The following SGSM1 variants were observed in gnomAD, a reference collection of about 807,000 sequenced individuals.
SGSM1 encodes the protein small G protein signaling modulator 1, also known as RUN and TBC1 domain containing 2.
In SGSM1, 73 loss-of-function variants were observed where a neutral mutation model predicts 133.8. The ratio of observed to expected loss-of-function variants is 0.55; its 90% CI spans 0.45 to 0.66. The LOEUF is 0.66. Among genes scored for constraint, SGSM1 ranks in the 30% least tolerant of loss-of-function variants. SGSM1 has a pLI of 0.00. For missense variants in SGSM1, 1,213 were observed against 1,448.1 expected, an observed-to-expected ratio of 0.84 and a Z score of 2.64; for synonymous variants, 563 against 573.0, an observed-to-expected ratio of 0.98 and a Z score of 0.25.
intron 16 of SGSM1, among the ~76,000 whole-genome samples, chr22:24,891,587 T>A (rs942276592): frequency 6.6e-6 from 1 of 152,162 alleles, no homozygotes; most frequent in Admixed American, 6.6e-5. Flanking sequence ...GCCTGGTGGC[T>A]TCCTGGGGAG....
intron 13 of SGSM1, among the ~76,000 whole-genome samples, chr22:24,878,163 A>G (rs1932127980): frequency 6.6e-6 from 1 of 152,152 alleles, no homozygotes; most frequent in South Asian, 2.1e-4. Flanking sequence ...GGCAAAACAT[A>G]TCAGTTCCTG....
In SGSM1 at chr22:24,820,001, T is replaced by C. The variant is rs566027218; in HGVS notation, c.63+13517T>C. On this transcript the variant is annotated intron_variant, in intron 2 of 24. Transcript: ENST00000400358. Reference sequence around the variant, plus strand: ...TCCTCATCCATGAGGCCCCTGGGTCTGTGGAGATGGGGGTGCTGCCAGGGA... The same window carrying C: ...TCCTCATCCATGAGGCCCCTGGGTCCGTGGAGATGGGGGTGCTGCCAGGGA... Among the ~76,000 whole-genome samples the C allele has an allele frequency of 4.9e-3, 747 of 152,180 alleles. 3 individuals are homozygous for C. The highest frequency in any genetic ancestry group is 7.6e-3 in the Non-Finnish European group (515 of 68,016).
At chr22:24,879,951 C>G (rs994052646) in intron 14 of SGSM1, among the ~76,000 whole-genome samples, 3 of 152,020 alleles carry the variant, frequency 2.0e-5, no homozygotes, top group Non-Finnish European at 4.4e-5. Flanking sequence ...TGACCTTATC[C>G]CTCCCCCAAA....
intron 24 of SGSM1, among the ~76,000 whole-genome samples, chr22:24,922,892 C>A (rs1336698345): frequency 6.6e-6 from 1 of 152,202 alleles, no homozygotes; most frequent in Non-Finnish European, 1.5e-5. Flanking sequence ...CTTGGGCAGG[C>A]CAAGGTGGGT....
intron 12 of SGSM1, among the ~76,000 whole-genome samples, chr22:24,876,245 C>T (rs925606936): frequency 1.3e-5 from 2 of 152,194 alleles, no homozygotes; most frequent in South Asian, 4.1e-4. Flanking sequence ...TTCCCTCCTG[C>T]AGCATCCTGT....
intron 5 of SGSM1, among the ~76,000 whole-genome samples, chr22:24,854,269 C>T (rs527420737): frequency 1.3e-5 from 2 of 152,288 alleles, no homozygotes; most frequent in East Asian, 1.9e-4. Flanking sequence ...CACAGCCTTT[C>T]AGTACGCACT....
intron 8 of SGSM1, among the ~76,000 whole-genome samples, chr22:24,859,220 T>C (rs1413477355): frequency 2.0e-5 from 3 of 151,948 alleles, no homozygotes; most frequent in African/African-American, 7.3e-5. Flanking sequence ...TGTAGGTAAA[T>C]CTAGGGGAGA....
intron 2 of SGSM1, among the ~76,000 whole-genome samples, chr22:24,842,215 A>G (rs1429158373): frequency 6.6e-6 from 1 of 152,136 alleles, no homozygotes; most frequent in Non-Finnish European, 1.5e-5. Context: ...AGAGGTGTGC[A>G]AACGCTCTGA....
chr22:24,896,251 C>T (rs1373809147), intron 18 of SGSM1, among the ~76,000 whole-genome samples: 1 of 151,714 alleles, frequency 6.6e-6, no homozygotes, highest in Non-Finnish European at 1.5e-5. Flanking sequence ...ATATGCCTTG[C>T]TTCCTAATTT....
At chr22:24,817,007 G>C (rs867987601) in intron 2 of SGSM1, among the ~76,000 whole-genome samples, 121 of 150,534 alleles carry the variant, frequency 8.0e-4, no homozygotes, top group African/African-American at 2.9e-3. Context: ...ACTTGGTCAT[G>C]GGGGGGTGAG....
intron 16 of SGSM1, 58 bp downstream of exon 16, chr22:24,886,786 G>C: frequency 6.6e-7 from 1 of 1,526,692 alleles, no homozygotes; most frequent in East Asian, 2.4e-5. Flanking sequence ...CAGATACTGT[G>C]GGGCTGGGGA....
chr22:24,877,744 G>T (rs1190322529), intron 13 of SGSM1, among the ~76,000 whole-genome samples: 1 of 148,136 alleles, frequency 6.8e-6, no homozygotes, highest in East Asian at 2.0e-4. Context: ...GTGGTTTCAA[G>T]ACCATGTGTA....
Position 24,917,762 on chromosome 22 carries a change from C to A in SGSM1, c.3025+8C>A, listed in dbSNP as rs1226688887. 1 of 1,610,776 alleles carries A rather than the reference C, an allele frequency of 6.2e-7. No homozygotes were observed. The highest frequency in any genetic ancestry group is 8.5e-7 in the Non-Finnish European group (1 of 1,177,582). The stretch of plus-strand genomic sequence containing the variant: ...TGCTGGATTTCAAGCGAGGTACAGA[C>A]TTTAAATTGGGGACCTGTGTCCAGA... On this transcript the variant is annotated splice_region_variant and intron_variant, in intron 23 of 24. Coordinates refer to ENST00000400358, the MANE Select transcript of SGSM1 (RefSeq NM_001098497.3).
At chr22:24,909,846 A>T (rs1411022108) in intron 21 of SGSM1, among the ~76,000 whole-genome samples, 1 of 152,214 alleles carries the variant, frequency 6.6e-6, no homozygotes, top group Non-Finnish European at 1.5e-5. Context: ...CCGTAGATAT[A>T]TGCCTAAGAG....
chr22:24,885,163 G>C (rs545595208), intron 15 of SGSM1, among the ~76,000 whole-genome samples: 1 of 152,052 alleles, frequency 6.6e-6, no homozygotes, highest in Non-Finnish European at 1.5e-5. Flanking sequence ...TCAAACTCCC[G>C]ACCTCAGGTG....
intron 2 of SGSM1, among the ~76,000 whole-genome samples, chr22:24,819,845 T>C (rs549819908): frequency 1.3e-5 from 2 of 152,314 alleles, no homozygotes; most frequent in Non-Finnish European, 2.9e-5. Context: ...TGTACCTGTG[T>C]GTGTTTTAAG....
chr22:24,841,049 A>C (rs898577100), intron 2 of SGSM1, among the ~76,000 whole-genome samples: 1 of 151,792 alleles, frequency 6.6e-6, no homozygotes. Context: ...ACGGGGTTTC[A>C]CCGTGTTAGC....
Position 24,847,746 on chromosome 22 carries a change from T to C in SGSM1, c.252T>C (p.Ala84=), listed in dbSNP as rs769965112. The C allele has an allele frequency of 5.0e-6, 8 of 1,613,768 alleles. No individual in the cohort carries two copies. The highest frequency in any genetic ancestry group is 1.3e-5 in the African/African-American group (1 of 74,918). ...FMKVGKNFPP[A]EDLSRKVQDL... ...AAGTGGGCAAGAACTTCCCGCCGGC[T>C]GAGGATCTGAGCCGCAAGGTGCAAG... Residue 84 remains alanine (A), a synonymous_variant, in exon 4 of 25, where the codon GCT becomes GCC. Transcript: ENST00000400358.
chr22:24,860,950 A>G (rs1459940597), intron 9 of SGSM1, among the ~76,000 whole-genome samples: 1 of 111,392 alleles, frequency 9.0e-6, no homozygotes, highest in Admixed American at 9.0e-5. Context: ...TATATATATA[A>G]TTTTGAAGCA....
Sources: gnomAD v4.1 joint callset for allele counts (sites outside exome capture counted in the v4.1 genomes callset) on GRCh38, gnomAD v4.1.1 for gene constraint, MANE v1.5 for transcripts, NCBI Gene and HGNC (gene_info 2026-07-23, HGNC 2026-07-21) for gene names.